CDH12: variants seen among roughly 807,000 people sequenced by gnomAD.
The protein encoded by CDH12 is cadherin 12.
CDH12 carries 41 observed loss-of-function variants against 74.1 expected under a neutral mutation model. The observed-to-expected ratio is 0.55, with a 90% CI of 0.43 to 0.72. The LOEUF is 0.72. CDH12 is among the 30% of genes least tolerant of loss of function. The pLI, the probability that CDH12 is intolerant of heterozygous loss-of-function variation, is 0.00. For missense variants in CDH12, 945 were observed against 977.2 expected, an observed-to-expected ratio of 0.97 and a Z score of 0.44; for synonymous variants, 399 against 355.0, an observed-to-expected ratio of 1.12 and a Z score of -1.39.
At chr5:22,170,648 C>T (rs1748968317) in intron 4 of CDH12, among the ~76,000 whole-genome samples, 1 of 151,476 alleles carries the variant, frequency 6.6e-6, no homozygotes, top group Non-Finnish European at 1.5e-5. Context: ...CTCTAATTAT[C>T]ATTCTTCCCA....
At chr5:22,250,729 C>T (rs1337735270) in intron 3 of CDH12, among the ~76,000 whole-genome samples, 1 of 152,142 alleles carries the variant, frequency 6.6e-6, no homozygotes, top group Non-Finnish European at 1.5e-5. Context: ...GGTTTCCCGA[C>T]GTGAGGCGTG....
chr5:22,741,178 A>G (rs547269068), intron 1 of CDH12, among the ~76,000 whole-genome samples: 1 of 152,244 alleles, frequency 6.6e-6, no homozygotes, highest in Non-Finnish European at 1.5e-5. Flanking sequence ...TTGAAGGAAA[A>G]TTTTTAGATG....
chr5:22,127,476 T>C (rs1250362785), intron 4 of CDH12, among the ~76,000 whole-genome samples: 3 of 124,480 alleles, frequency 2.4e-5, no homozygotes, highest in Admixed American at 8.6e-5. Context: ...GAACTCCATC[T>C]CGAAAAAAAA....
At chr5:22,387,987 GT>G (rs1288216951) in intron 3 of CDH12, among the ~76,000 whole-genome samples, 1 of 152,126 alleles carries the variant, frequency 6.6e-6, no homozygotes, top group African/African-American at 2.4e-5. Flanking sequence ...GACAAGCAGT[GT>G]TTCAAATAGG....
At chr5:22,643,761 C>T (rs401253) in intron 1 of CDH12, among the ~76,000 whole-genome samples, 34,200 of 58,304 alleles carry the variant, frequency 0.59, 9,029 homozygotes, top group East Asian at 0.78. Context: ...TTTTTTTTTT[C>T]CACAAATTGA....
chr5:22,751,519 GTGATA>G (rs1745575829), intron 1 of CDH12, among the ~76,000 whole-genome samples: 1 of 151,760 alleles, frequency 6.6e-6, no homozygotes, highest in Non-Finnish European at 1.5e-5. Context: ...TAAAATTGTT[GTGATA>G]TTATATAAAG....
At chr5:22,792,098 T>C (rs1381101206) in intron 1 of CDH12, among the ~76,000 whole-genome samples, 2 of 151,010 alleles carry the variant, frequency 1.3e-5, no homozygotes, top group Non-Finnish European at 3.0e-5. Context: ...TTTTTTTTTT[T>C]TTTTTTGAGA....
At chr5:22,234,723 T>C (rs1442406806) in intron 3 of CDH12, among the ~76,000 whole-genome samples, 2 of 152,068 alleles carry the variant, frequency 1.3e-5, no homozygotes, top group Non-Finnish European at 2.9e-5. Context: ...TGTGTAGATA[T>C]TTATCTGTCT....
At chr5:22,280,787 G>A (rs961539613) in intron 3 of CDH12, among the ~76,000 whole-genome samples, 6 of 152,188 alleles carry the variant, frequency 3.9e-5, no homozygotes, top group South Asian at 2.1e-4. Context: ...TGAATTCTAC[G>A]AGAGGTACAA....
intron 6 of CDH12, among the ~76,000 whole-genome samples, chr5:21,947,227 G>T (rs1200132580): frequency 2.6e-5 from 4 of 152,070 alleles, no homozygotes; most frequent in African/African-American, 9.7e-5. Flanking sequence ...AGAGTAAATT[G>T]GTACTGGGAG....
At chr5:22,535,629 T>C (rs530440489) in intron 1 of CDH12, among the ~76,000 whole-genome samples, 1 of 152,350 alleles carries the variant, frequency 6.6e-6, no homozygotes, top group East Asian at 1.9e-4. Flanking sequence ...TCTATTATGC[T>C]AATGTGAAAT....
intron 1 of CDH12, among the ~76,000 whole-genome samples, chr5:22,701,398 T>A (rs1269796236): frequency 6.6e-6 from 1 of 152,064 alleles, no homozygotes; most frequent in Non-Finnish European, 1.5e-5. Context: ...ATTGAATCCC[T>A]ATTCTACAGC....
At chr5:22,533,010 G>A (rs1360730373) in intron 1 of CDH12, among the ~76,000 whole-genome samples, 2 of 151,870 alleles carry the variant, frequency 1.3e-5, no homozygotes, top group African/African-American at 4.8e-5. Flanking sequence ...ACTTTAAAGA[G>A]GTATATCCTG....
chr5:22,152,869 C>T (rs1747690925), intron 4 of CDH12, among the ~76,000 whole-genome samples: 1 of 152,182 alleles, frequency 6.6e-6, no homozygotes, highest in East Asian at 1.9e-4. Flanking sequence ...TGGCATTTGT[C>T]TCTCTGTTCC....
intron 1 of CDH12, among the ~76,000 whole-genome samples, chr5:22,634,311 T>A (rs1738724828): frequency 6.6e-6 from 1 of 152,066 alleles, no homozygotes; most frequent in Non-Finnish European, 1.5e-5. Flanking sequence ...TAAGAAATGA[T>A]CCTACTATAT....
At chr5:22,389,223 T>C (rs763894526) in intron 3 of CDH12, among the ~76,000 whole-genome samples, 4 of 152,228 alleles carry the variant, frequency 2.6e-5, no homozygotes, top group Non-Finnish European at 5.9e-5. Context: ...TGGGGTGGAC[T>C]TAATATTTGG....
chr5:22,127,109 C>G (rs576897320), intron 4 of CDH12, among the ~76,000 whole-genome samples: 29 of 152,104 alleles, frequency 1.9e-4, no homozygotes, highest in African/African-American at 6.3e-4. Context: ...CATTTTAAGT[C>G]TATCAAAAAC....
intron 2 of CDH12, among the ~76,000 whole-genome samples, chr5:22,451,152 G>C (rs1004129767): frequency 2.0e-5 from 3 of 151,782 alleles, no homozygotes; most frequent in Non-Finnish European, 2.9e-5. Context: ...CATGAGAACA[G>C]GGACATGATC....
intron 1 of CDH12, among the ~76,000 whole-genome samples, chr5:22,592,419 C>T (rs1736379445): frequency 2.0e-5 from 3 of 152,112 alleles, no homozygotes; most frequent in African/African-American, 7.2e-5. Flanking sequence ...CCATCTATAC[C>T]CAAGGTTGCC....
Sources: allele counts gnomAD v4.1 joint callset (sites outside exome capture counted in the v4.1 genomes callset), GRCh38; gene constraint gnomAD v4.1.1; transcripts MANE v1.5; gene names NCBI Gene and HGNC (gene_info 2026-07-23, HGNC 2026-07-21).